Variants in MINK1 observed in about 807,000 individuals in gnomAD.
MINK1 encodes misshapen-like kinase 1.
In MINK1, 46 loss-of-function variants were observed where a neutral mutation model predicts 178.4. The observed-to-expected ratio is 0.26, with a 90% CI of 0.20 to 0.33. The LOEUF (loss-of-function observed/expected upper bound fraction) is 0.33, where lower values mean the gene tolerates loss of function less well. MINK1 is among the 10% of genes least tolerant of loss of function. MINK1 has a pLI of 1.00. For synonymous variants in MINK1, 797 were observed against 709.7 expected, an observed-to-expected ratio of 1.12 and a Z score of -1.96; for missense variants, 1,366 against 1,814.9, an observed-to-expected ratio of 0.75 and a Z score of 4.49.
intron 1 of MINK1, chr17:4,870,990 A>G: frequency 3.9e-6 from 1 of 254,416 alleles, no homozygotes; most frequent in Non-Finnish European, 8.7e-6. Context: ...CCTTCCTCCC[A>G]GCCCCTGGCA....
chr17:4,859,705 T>C (rs552187738), intron 1 of MINK1, among the ~76,000 whole-genome samples: 2 of 146,126 alleles, frequency 1.4e-5, no homozygotes, highest in Admixed American at 7.1e-5. Flanking sequence ...GGAGAATCGC[T>C]TGAACTTGGG....
chr17:4,834,194 A>C (rs1908935084), intron 1 of MINK1, among the ~76,000 whole-genome samples: 1 of 151,766 alleles, frequency 6.6e-6, no homozygotes, highest in African/African-American at 2.4e-5. Flanking sequence ...CCTCAATCCC[A>C]TGTTCAGTTT....
intron 4 of MINK1, among the ~76,000 whole-genome samples, chr17:4,882,352 T>A (rs1967780055): frequency 6.6e-6 from 1 of 152,244 alleles, no homozygotes; most frequent in Non-Finnish European, 1.5e-5. Context: ...CCAGGAAGAC[T>A]GGTTGGAGCC....
At chr17:4,865,054 CAGG>C (rs1231787969) in intron 1 of MINK1, among the ~76,000 whole-genome samples, 3 of 152,168 alleles carry the variant, frequency 2.0e-5, no homozygotes, top group Admixed American at 6.5e-5. Flanking sequence ...TTGGCAGCAG[CAGG>C]AGGAGTGTCA....
In MINK1 at chr17:4,895,864, T is replaced by C. The variant is rs199674970; in HGVS notation, c.3364+32T>C. Reference sequence around the variant, plus strand: ...ATGTCCCAACAGAGTGGCCAGCGCATACTTGTTCATGAAGAGAGAAATGGA... The same window carrying C: ...ATGTCCCAACAGAGTGGCCAGCGCACACTTGTTCATGAAGAGAGAAATGGA... On this transcript the variant is annotated intron_variant, in intron 27 of 31. Coordinates refer to ENST00000355280, the MANE Select transcript of MINK1 (RefSeq NM_153827.5). The surrounding 1 kb of genome is among the most constrained non-coding windows in gnomAD (Gnocchi z 4.3). 44 of 1,607,326 alleles carry C rather than the reference T, an allele frequency of 2.7e-5. No individual in the cohort carries two copies. In the African/African-American group the frequency reaches 5.2e-4, roughly 19 times the overall value.
chr17:4,891,531 C>T lies in MINK1; in HGVS notation c.1816C>T (p.Pro606Ser). Reference protein sequence around the residue: ...VPRSQSLQDQPTRNLAAFPAS... With the variant: ...VPRSQSLQDQSTRNLAAFPAS... ...CCGATCCCAGTCCCTGCAGGACCAG[C>T]CCACCCGAAACCTGGCTGCCTTCCC... The change falls in exon 16 of 32, where the codon CCC becomes TCC. Residue 606 changes from proline (P) to serine (S), a missense_variant. Physicochemically the swap from Pro to Ser is moderately conservative, Grantham distance 74. This residue lies in a region of MINK1 where 709 missense variants were observed against 692.3 expected (regional missense o/e 1.02). Coordinates refer to ENST00000355280, the MANE Select transcript of MINK1 (RefSeq NM_153827.5). 1 of 1,611,140 alleles carries T rather than the reference C, an allele frequency of 6.2e-7. No homozygotes were observed. The highest frequency in any genetic ancestry group is 8.5e-7 in the Non-Finnish European group (1 of 1,178,924).
chr17:4,851,506 C>T (rs533979120), intron 1 of MINK1, among the ~76,000 whole-genome samples: 2 of 152,180 alleles, frequency 1.3e-5, no homozygotes, highest in Non-Finnish European at 2.9e-5. Flanking sequence ...TGCCCCCCTG[C>T]GATGGGGACT....
intron 2 of MINK1, among the ~76,000 whole-genome samples, chr17:4,880,733 A>C (rs1967623134): frequency 6.6e-6 from 1 of 151,204 alleles, no homozygotes; most frequent in Non-Finnish European, 1.5e-5. Context: ...CCCCATCTCT[A>C]CTAAAAATAC....
At chr17:4,893,413 T>A (rs772521354) in intron 20 of MINK1, 21 bp from the exon 21 acceptor site, 2 of 1,599,214 alleles carry the variant, frequency 1.3e-6, no homozygotes, top group Admixed American at 3.4e-5. Flanking sequence ...TCCCTGCCCC[T>A]CACGTGGCTC....
chr17:4,887,291 AG>A lies in MINK1; in HGVS notation c.1019+113del, dbSNP rs1968305922. The stretch of plus-strand genomic sequence containing the variant: ...CTGGGGGTGGTGGGCACAGAGAGGT[AG>A]AGACTCCTGGAAACCAAATTTCTGA... On this transcript the variant is annotated intron_variant, in intron 11 of 31. Transcript: ENST00000355280. The surrounding 1 kb of genome is among the most constrained non-coding windows in gnomAD (Gnocchi z 7.6). The A allele has an allele frequency of 8.5e-7, 1 of 1,178,026 alleles. No individual in the cohort carries two copies. 73.0% of individuals were successfully genotyped at this position (1,178,026 alleles called of 1,614,324 possible).
chr17:4,886,422 C>T lies in MINK1; in HGVS notation c.774-29C>T. On this transcript the variant is annotated intron_variant, in intron 9 of 31. Transcript: ENST00000355280. The surrounding 1 kb of genome is among the most constrained non-coding windows in gnomAD (Gnocchi z 6.1). Reference sequence around the variant, plus strand: ...TGCACCCATCCCTTCTGAGGGGACCCTCCCAGTGTGAGCCACCACTGTTTC... The same window carrying T: ...TGCACCCATCCCTTCTGAGGGGACCTTCCCAGTGTGAGCCACCACTGTTTC... The T allele has an allele frequency of 6.3e-7, 1 of 1,584,862 alleles. No individual in the cohort carries two copies. The highest frequency in any genetic ancestry group is 8.6e-7 in the Non-Finnish European group (1 of 1,164,380).
intron 4 of MINK1, among the ~76,000 whole-genome samples, chr17:4,881,575 GGGA>G (rs1967704397): frequency 6.6e-6 from 1 of 152,200 alleles, no homozygotes; most frequent in Admixed American, 6.5e-5. Context: ...CCTGGCAAAG[GGGA>G]GAGAGACCGT....
chr17:4,876,048 G>C (rs888111793), intron 1 of MINK1, among the ~76,000 whole-genome samples: 2 of 152,048 alleles, frequency 1.3e-5, no homozygotes, highest in Non-Finnish European at 2.9e-5. Flanking sequence ...GCCCGCTTCA[G>C]CCTCTCAAAG....
chr17:4,860,827 C>A, intron 1 of MINK1: 1 of 518,722 alleles, frequency 1.9e-6, no homozygotes. Flanking sequence ...CCAGTGCGCG[C>A]CACGTGCTGG....
chr17:4,862,034 G>A (rs1914249036), intron 1 of MINK1, among the ~76,000 whole-genome samples: 1 of 152,156 alleles, frequency 6.6e-6, no homozygotes, highest in Admixed American at 6.5e-5. Flanking sequence ...CTCATTCCAT[G>A]TATACCCAAG....
In MINK1 at chr17:4,881,048, G is replaced by A. The variant is rs1322448600; in HGVS notation, c.180+8G>A. On this transcript the variant is annotated splice_region_variant and intron_variant, in intron 3 of 31. Transcript: ENST00000355280. Reference sequence around the variant, plus strand: ...GTCATGGATGTCACGGAGGTAGGGAGTGGAGCTGGGCAGTGGGAGGGTCGG... The same window carrying A: ...GTCATGGATGTCACGGAGGTAGGGAATGGAGCTGGGCAGTGGGAGGGTCGG... 2.6e-6 allele frequency: 4 copies of A among 1,533,736 alleles called. No individual in the cohort carries two copies. Among genetic ancestry groups the A allele is most frequent in the South Asian group, 1.2e-5 (1 of 83,526 alleles).
rs1969684755 is a variant in MINK1 at position 4,897,581 on chromosome 17, TGA to T, written c.*298_*299del. On this transcript the variant is annotated 3_prime_UTR_variant, in exon 32 of 32. Coordinates refer to ENST00000355280, the MANE Select transcript of MINK1 (RefSeq NM_153827.5). The stretch of plus-strand genomic sequence containing the variant: ...TAGCCCCTCCCCCCTTTTCTCCATT[TGA>T]GAGGAGAGTGCTTGGGGCTTGAACC... The T allele has an allele frequency of 8.5e-6, 3 of 351,226 alleles. No individual in the cohort carries two copies. Among genetic ancestry groups the T allele is most frequent in the Non-Finnish European group, 1.6e-5 (3 of 190,078 alleles). The allele number at this position is 351,226 out of a possible 1,614,324, so 21.8% of individuals were successfully genotyped here.
In MINK1 at chr17:4,864,259, C is replaced by T. The variant is rs1180915299; in HGVS notation, c.58-14058C>T. Among the ~76,000 whole-genome samples, 4 of 150,814 alleles carry T rather than the reference C, an allele frequency of 2.7e-5. No individual in the cohort carries two copies. In the South Asian group the frequency reaches 6.3e-4, roughly 24 times the overall value. On this transcript the variant is annotated intron_variant, in intron 1 of 31. Coordinates refer to ENST00000355280, the MANE Select transcript of MINK1 (RefSeq NM_153827.5). ...TACTAAAAATACAAAATTAGCCAGG[C>T]GTGGTGGCGCATGCCTGTAATCCCA...
chr17:4,884,263 T>C (rs1967999311), intron 4 of MINK1, 100 bp from the exon 5 acceptor site: 1 of 865,022 alleles, frequency 1.2e-6, no homozygotes, highest in African/African-American at 1.7e-5. Flanking sequence ...AACCCCAAGG[T>C]CTCTTATCCT....
Sources: gnomAD v4.1 joint callset for allele counts (sites outside exome capture counted in the v4.1 genomes callset) on GRCh38, gnomAD v4.1.1 for gene constraint, gnomAD v4.1.1 regional missense constraint, Gnocchi (gnomAD v3.1) non-coding constraint, MANE v1.5 for transcripts, NCBI Gene and HGNC (gene_info 2026-07-23, HGNC 2026-07-21) for gene names.